LOC112694756: variants seen among roughly 807,000 people sequenced by gnomAD.
At chr16:30,061,147 C>T in the LOC112694756 span, among the ~76,000 whole-genome samples, 1 of 152,376 alleles carries the variant, frequency 6.6e-6, no homozygotes, top group Middle Eastern at 3.4e-3. Context: ...AAGGCAGTTG[C>T]GGGTCATCCC....
At chr16:30,067,477 T>C in the LOC112694756 span, 3 of 1,613,102 alleles carry the variant, frequency 1.9e-6, no homozygotes, top group Non-Finnish European at 8.5e-7. Flanking sequence ...CTGCAGTCCA[T>C]TGGCACCGAG....
At chr16:30,066,617 C>T in the LOC112694756 span, among the ~76,000 whole-genome samples, 1 of 152,220 alleles carries the variant, frequency 6.6e-6, no homozygotes, top group Non-Finnish European at 1.5e-5. Flanking sequence ...CCACCCGCCC[C>T]CTCCCTTGTG....
the LOC112694756 span, among the ~76,000 whole-genome samples, chr16:30,053,927 C>A: frequency 6.6e-6 from 1 of 152,100 alleles, no homozygotes; most frequent in South Asian, 2.1e-4. Context: ...ACTGAGGAGA[C>A]TGAGGTGGGA....
the LOC112694756 span, chr16:30,068,815 T>C: frequency 5.0e-6 from 8 of 1,613,970 alleles, no homozygotes; most frequent in African/African-American, 1.3e-5. Context: ...CCTCTTCTCT[T>C]AGGGTTGGAT....
At chr16:30,067,692 G>A in the LOC112694756 span, 3 of 1,612,928 alleles carry the variant, frequency 1.9e-6, no homozygotes, top group Non-Finnish European at 2.5e-6. Flanking sequence ...CGTGAGGTTT[G>A]AGATGGAAGT....
chr16:30,067,491 A>G, the LOC112694756 span: 6 of 1,613,526 alleles, frequency 3.7e-6, no homozygotes, highest in Admixed American at 8.3e-5. Flanking sequence ...CACCGAGAAC[A>G]CCGAGGAGAA....
At chr16:30,058,223 G>A in the LOC112694756 span, among the ~76,000 whole-genome samples, 5 of 152,204 alleles carry the variant, frequency 3.3e-5, no homozygotes, top group Admixed American at 3.3e-4. Flanking sequence ...ATTTAACAGG[G>A]TGGAGGACAG....
chr16:30,065,584 G>A, the LOC112694756 span: 1 of 152,338 alleles, frequency 6.6e-6, no homozygotes, highest in Non-Finnish European at 1.5e-5. Context: ...GGGTGGGGAG[G>A]GATCGTGTTC....
chr16:30,059,033 C>T, the LOC112694756 span: 1 of 398,500 alleles, frequency 2.5e-6, no homozygotes, highest in Non-Finnish European at 4.4e-6. Context: ...GTTGCTCAGC[C>T]CTGCATGCGA....
chr16:30,069,775 G>A, the LOC112694756 span: 2 of 1,612,766 alleles, frequency 1.2e-6, no homozygotes, highest in East Asian at 2.2e-5. Context: ...ACCAGCTCCT[G>A]CCAGCTTCCT....
chr16:30,063,702 C>T, the LOC112694756 span: 5 of 399,288 alleles, frequency 1.3e-5, no homozygotes. Flanking sequence ...CATCCCACCT[C>T]CCTCAACCCT....
At chr16:30,066,653 C>T in the LOC112694756 span, among the ~76,000 whole-genome samples, 2 of 152,198 alleles carry the variant, frequency 1.3e-5, no homozygotes, top group Non-Finnish European at 2.9e-5. Flanking sequence ...TTGGGATGTC[C>T]TTGAAGCCTT....
At chr16:30,069,097 T>A in the LOC112694756 span, 2 of 1,509,898 alleles carry the variant, frequency 1.3e-6, no homozygotes, top group Non-Finnish European at 1.8e-6. Context: ...CTTTGGCCCG[T>A]GGAGGACACT....
At chr16:30,065,049 G>T in the LOC112694756 span, among the ~76,000 whole-genome samples, 1 of 152,242 alleles carries the variant, frequency 6.6e-6, no homozygotes, top group Non-Finnish European at 1.5e-5. Context: ...TTTCTGTGGC[G>T]CAGAGGACTA....
the LOC112694756 span, chr16:30,064,095 C>T: frequency 2.5e-6 from 1 of 399,528 alleles, no homozygotes. Flanking sequence ...CTTCCCTTCC[C>T]CTCCACACGT....
the LOC112694756 span, among the ~76,000 whole-genome samples, chr16:30,057,507 G>A: frequency 4.6e-5 from 7 of 152,156 alleles, no homozygotes; most frequent in Non-Finnish European, 1.0e-4. Flanking sequence ...ATTATTTTGA[G>A]CTCAGCGATT....
the LOC112694756 span, chr16:30,069,679 G>A: frequency 6.2e-7 from 1 of 1,611,952 alleles, no homozygotes; most frequent in Non-Finnish European, 8.5e-7. Flanking sequence ...CACTGGTGAG[G>A]CCCACACTCA....
the LOC112694756 span, among the ~76,000 whole-genome samples, chr16:30,062,473 A>C: frequency 6.8e-6 from 1 of 146,460 alleles, no homozygotes; most frequent in African/African-American, 2.5e-5. Context: ...CGGAGGTTGC[A>C]GTGAGCCGAG....
At chr16:30,064,368 G>A in the LOC112694756 span, 1 of 398,824 alleles carries the variant, frequency 2.5e-6, no homozygotes, top group Non-Finnish European at 4.4e-6. Flanking sequence ...AGGAGCCAGG[G>A]AGGGTGGCAG....
Sources: gnomAD v4.1 joint callset for allele counts (sites outside exome capture counted in the v4.1 genomes callset) on GRCh38, gnomAD v4.1.1 for gene constraint, MANE v1.5 for transcripts.